The following SSH2 variants were observed in gnomAD, a reference collection of about 807,000 sequenced individuals.
SSH2 encodes the protein protein phosphatase Slingshot homolog 2.
A neutral mutation model predicts 135.2 loss-of-function variants in SSH2; 37 were observed. The ratio of observed to expected loss-of-function variants is 0.27; its 90% CI spans 0.21 to 0.36. The LOEUF (loss-of-function observed/expected upper bound fraction) is 0.36, where lower values mean the gene tolerates loss of function less well. Among genes scored for constraint, SSH2 ranks in the 10% least tolerant of loss-of-function variants. The pLI is 1.00. For synonymous variants in SSH2, 628 were observed against 646.2 expected, an observed-to-expected ratio of 0.97 and a Z score of 0.43; for missense variants, 1,408 against 1,765.3, an observed-to-expected ratio of 0.80 and a Z score of 3.63.
At chr17:29,642,127 T>A (rs1305071501) in intron 14 of SSH2, among the ~76,000 whole-genome samples, 1 of 151,946 alleles carries the variant, frequency 6.6e-6, no homozygotes, top group Non-Finnish European at 1.5e-5. Flanking sequence ...AGTAAGAAAA[T>A]CCTTTTAAAT....
chr17:29,890,498 A>G (rs1421899142), intron 1 of SSH2, among the ~76,000 whole-genome samples: 2 of 152,222 alleles, frequency 1.3e-5, no homozygotes, highest in Non-Finnish European at 2.9e-5. Context: ...TGACATGGAT[A>G]AGCCTTGAAA....
chr17:29,656,867 T>C (rs756063036), intron 11 of SSH2, among the ~76,000 whole-genome samples: 7 of 152,242 alleles, frequency 4.6e-5, no homozygotes, highest in Non-Finnish European at 8.8e-5. Context: ...CACAATAACC[T>C]GATACACTAT....
At chr17:29,872,953 AC>A (rs1475538275) in intron 1 of SSH2, among the ~76,000 whole-genome samples, 1 of 151,834 alleles carries the variant, frequency 6.6e-6, no homozygotes, top group Non-Finnish European at 1.5e-5. Flanking sequence ...CCGAGATCAC[AC>A]CACTGCACTC....
At chr17:29,663,729 A>C (rs1487541876) in intron 11 of SSH2, among the ~76,000 whole-genome samples, 1 of 152,230 alleles carries the variant, frequency 6.6e-6, no homozygotes, top group Non-Finnish European at 1.5e-5. Context: ...AAAAGTAAAA[A>C]CTTCTATGTG....
intron 3 of SSH2, among the ~76,000 whole-genome samples, chr17:29,739,836 T>C (rs928089939): frequency 6.6e-6 from 1 of 152,304 alleles, no homozygotes; most frequent in East Asian, 1.9e-4. Context: ...AAAGCAACAC[T>C]CACACAGAAA....
chr17:29,688,193 T>C (rs1283991724), intron 5 of SSH2, among the ~76,000 whole-genome samples: 1 of 152,004 alleles, frequency 6.6e-6, no homozygotes, highest in Non-Finnish European at 1.5e-5. Flanking sequence ...GTGTTTTTAG[T>C]AGAGATGGGG....
At chr17:29,662,539 T>C (rs2037093464) in intron 11 of SSH2, among the ~76,000 whole-genome samples, 1 of 152,192 alleles carries the variant, frequency 6.6e-6, no homozygotes, top group South Asian at 2.1e-4. Context: ...ACAAAAATCA[T>C]GAATGTGATA....
Position 29,636,152 on chromosome 17 carries a change from G to T in SSH2, c.2078C>A (p.Thr693Asn), listed in dbSNP as rs750593146. The T allele has an allele frequency of 3.1e-6, 5 of 1,614,146 alleles. No homozygotes were observed. Among genetic ancestry groups the T allele is most frequent in the Non-Finnish European group, 4.2e-6 (5 of 1,180,036 alleles). The change falls in exon 15 of 16, where the codon ACC becomes AAC. Residue 693 changes from threonine to asparagine, a missense_variant. Coordinates refer to ENST00000540801, the MANE Select transcript of SSH2 (RefSeq NM_001282129.2). ...TGAATGGGAAAAAGATCGTGACCGGGTTTCTTGGGAGAGCTCCACAAACTT... is the reference window on the plus strand; with the variant it reads ...TGAATGGGAAAAAGATCGTGACCGGTTTTCTTGGGAGAGCTCCACAAACTT... The part of the protein sequence containing the change: ...LEKFVELSQE[T>N]RSRSFSHSRM...
At chr17:29,677,926 G>C (rs910670557) in intron 6 of SSH2, among the ~76,000 whole-genome samples, 185 bp from the exon 7 acceptor site, 1 of 151,730 alleles carries the variant, frequency 6.6e-6, no homozygotes, top group East Asian at 1.9e-4. Flanking sequence ...CTGTTTTAAA[G>C]AGATAGTCAG....
chr17:29,704,875 T>A (rs534986456), intron 3 of SSH2, among the ~76,000 whole-genome samples: 53 of 152,206 alleles, frequency 3.5e-4, no homozygotes, highest in African/African-American at 1.2e-3. Flanking sequence ...AATAGCCAAG[T>A]TTAGAAATAC....
intron 3 of SSH2, among the ~76,000 whole-genome samples, chr17:29,735,715 A>AG (rs1167540664): frequency 4.0e-5 from 6 of 150,078 alleles, no homozygotes; most frequent in African/African-American, 9.8e-5. Flanking sequence ...AAAAAAAAAA[A>AG]GTAAGTAAAG....
chr17:29,716,777 T>A, intron 3 of SSH2: 1 of 429,266 alleles, frequency 2.3e-6, no homozygotes, highest in East Asian at 5.7e-5. Context: ...CCCCATTTTC[T>A]TCCCTTGCCA....
In SSH2 at chr17:29,860,438, C is replaced by CTTTTTT. The variant is rs376815701; in HGVS notation, c.64-11515_64-11510dup. On this transcript the variant is annotated intron_variant, in intron 1 of 15. Transcript: ENST00000540801. ...AGCGTCTCTTCATGGCCTTTGCCCA[C>CTTTTTT]TTTTTTTTTTTTTTTTTTTTGAGAC... is the stretch of plus-strand genomic sequence containing the variant. Among the ~76,000 whole-genome samples, 10 of 114,274 alleles carry CTTTTTT rather than the reference C, an allele frequency of 8.8e-5. 2 individuals are homozygous for CTTTTTT. The highest frequency in any genetic ancestry group is 1.1e-4 in the Admixed American group (1 of 9,480). 75.0% of individuals were successfully genotyped at this position (114,274 alleles called of 152,430 possible). A position where few individuals can be genotyped will look rare whatever the true frequency, so the allele number is the denominator to read the frequency against.
At chr17:29,773,763 C>T (rs937284516) in intron 3 of SSH2, among the ~76,000 whole-genome samples, 9 of 152,118 alleles carry the variant, frequency 5.9e-5, no homozygotes, top group African/African-American at 2.2e-4. Flanking sequence ...CCACAACCTC[C>T]ACCTCCTGGG....
chr17:29,701,889 ATTTTT>A (rs35686014), intron 4 of SSH2, among the ~76,000 whole-genome samples: 2 of 129,162 alleles, frequency 1.5e-5, no homozygotes, highest in Non-Finnish European at 1.6e-5. Context: ...CTAATTTAAA[ATTTTT>A]TTTTTTTTTT....
At chr17:29,898,878 G>C (rs960126568) in intron 1 of SSH2, among the ~76,000 whole-genome samples, 7 of 152,038 alleles carry the variant, frequency 4.6e-5, no homozygotes, top group Admixed American at 6.6e-5. Context: ...CAAAAATCCT[G>C]AATAAAATAC....
At chr17:29,645,218 GGGTCA>G (rs1402761477) in intron 14 of SSH2, 2 of 152,108 alleles carry the variant, frequency 1.3e-5, no homozygotes, top group African/African-American at 4.8e-5. Flanking sequence ...TTTATAGATG[GGGTCA>G]GGTAAGGATG....
At chr17:29,922,204 T>C (rs1380979277) in intron 1 of SSH2, among the ~76,000 whole-genome samples, 1 of 152,124 alleles carries the variant, frequency 6.6e-6, no homozygotes, top group African/African-American at 2.4e-5. Context: ...CTGTGAGCAG[T>C]GTGCAAGGCA....
intron 2 of SSH2, among the ~76,000 whole-genome samples, chr17:29,846,040 AT>A (rs34670451): frequency 0.45 from 63,609 of 142,182 alleles, 13,768 homozygotes; most frequent in African/African-American, 0.5. Context: ...AAACTGAACA[AT>A]TTTTTTTTTT....
Sources: gnomAD v4.1 joint callset for allele counts (sites outside exome capture counted in the v4.1 genomes callset) on GRCh38, gnomAD v4.1.1 for gene constraint, MANE v1.5 for transcripts, NCBI Gene and HGNC (gene_info 2026-07-23, HGNC 2026-07-21) for gene names.